The following ARHGEF38 variants were observed in gnomAD, a reference collection of about 807,000 sequenced individuals.
The protein encoded by ARHGEF38 is Rho guanine nucleotide exchange factor (GEF) 38.
A neutral mutation model predicts 79.9 loss-of-function variants in ARHGEF38; 79 were observed. That is an observed-to-expected ratio of 0.99 (90% CI 0.82 to 1.19). The LOEUF (loss-of-function observed/expected upper bound fraction) is 1.19. ARHGEF38 is among the 50% of genes most tolerant of loss of function. The probability of loss-of-function intolerance (pLI) is 0.00; values close to 1 mark genes in which losing one functional copy is unlikely to be tolerated. For synonymous variants in ARHGEF38, 366 were observed against 328.3 expected (o/e 1.11, Z -1.24); for missense variants, 962 against 907.2 (o/e 1.06, Z -0.78).
rs1312882852 is a variant in ARHGEF38, at chr4:105,568,450, G to A, written c.196+15489G>A. On this transcript the variant is annotated intron_variant, in intron 1 of 13. Coordinates refer to ENST00000420470, the MANE Select transcript of ARHGEF38 (RefSeq NM_001242729.2). ...AGTGTGGCGATTCCTCAGGGATCTA[G>A]AACTAGAAATACCATTTGACCCAGC... Among the ~76,000 whole-genome samples, 3 of 151,858 alleles carry A rather than the reference G, an allele frequency of 2.0e-5. No homozygotes were observed. In the East Asian group the frequency reaches 5.8e-4, roughly 29 times the overall value.
intron 1 of ARHGEF38, among the ~76,000 whole-genome samples, chr4:105,578,951 T>A (rs1487497366): frequency 6.6e-6 from 1 of 152,196 alleles, no homozygotes; most frequent in Non-Finnish European, 1.5e-5. Context: ...CATTGTTACC[T>A]AGATACTTTC....
At chr4:105,612,201 C>T (rs1016522801) in intron 2 of ARHGEF38, among the ~76,000 whole-genome samples, 2 of 152,046 alleles carry the variant, frequency 1.3e-5, no homozygotes, top group Admixed American at 6.6e-5. Flanking sequence ...CCCACACACA[C>T]CTGAAGAAAC....
chr4:105,636,128 C>T (rs897553979), intron 4 of ARHGEF38, among the ~76,000 whole-genome samples: 3 of 151,902 alleles, frequency 2.0e-5, no homozygotes, highest in African/African-American at 7.2e-5. Context: ...TATTGTACTC[C>T]AAATGGTTGG....
chr4:105,643,137 T>C (rs1054452820), intron 5 of ARHGEF38, among the ~76,000 whole-genome samples: 3 of 151,168 alleles, frequency 2.0e-5, no homozygotes, highest in Admixed American at 6.6e-5. Flanking sequence ...TTGTTAGTTT[T>C]TTTTTTTCAG....
intron 3 of ARHGEF38, among the ~76,000 whole-genome samples, chr4:105,624,671 A>G (rs1168153235): frequency 6.6e-6 from 1 of 152,164 alleles, no homozygotes; most frequent in Non-Finnish European, 1.5e-5. Flanking sequence ...CCCTTGGAGA[A>G]CAGAATGAGG....
chr4:105,586,940 A>G (rs1004140649), intron 1 of ARHGEF38, among the ~76,000 whole-genome samples: 1 of 149,046 alleles, frequency 6.7e-6, no homozygotes, highest in African/African-American at 2.5e-5. Context: ...TATGTATAAT[A>G]CATCAAAATA....
Position 105,679,918 on chromosome 4 carries a change from A to G in ARHGEF38, c.*1981A>G, listed in dbSNP as rs764555723. ...CCACATTGGTTGCCACCAAAACTTT[A>G]TAATTACCTCTCTGAAGCCTTTTAG... On this transcript the variant is annotated 3_prime_UTR_variant, in exon 14 of 14. Coordinates refer to ENST00000420470, the MANE Select transcript of ARHGEF38 (RefSeq NM_001242729.2). 1.5e-5 allele frequency: 21 copies of G among 1,402,900 alleles called. No individual in the cohort carries two copies. The highest frequency in any genetic ancestry group is 3.4e-5 in the Admixed American group (2 of 59,114). 86.9% of individuals were successfully genotyped at this position (1,402,900 alleles called of 1,614,324 possible). A position where few individuals can be genotyped will look rare whatever the true frequency, so the allele number is the denominator to read the frequency against.
In ARHGEF38 at chr4:105,648,667, C is replaced by G; in HGVS notation, c.993C>G (p.Thr331=). 6.6e-7 allele frequency: 1 copy of G among 1,522,768 alleles called. No homozygotes were observed. Among genetic ancestry groups the G allele is most frequent in the Non-Finnish European group, 8.8e-7 (1 of 1,142,364 alleles). 94.3% of individuals were successfully genotyped at this position (1,522,768 alleles called of 1,614,324 possible). A position where few individuals can be genotyped will look rare whatever the true frequency, so the allele number is the denominator to read the frequency against. ...KRVTNHLKIL[T]RGESQVKDNT... ...TGACAAATCATCTGAAGATTCTGAC[C>G]AGAGGAGAATCACAGGTAATTTTTC... is the stretch of plus-strand genomic sequence containing the variant. The change falls in exon 7 of 14, where the codon ACC becomes ACG. Residue 331 remains threonine (T), a synonymous_variant. Transcript: ENST00000420470.
chr4:105,589,453 A>G lies in ARHGEF38; in HGVS notation c.384+18A>G. On this transcript the variant is annotated intron_variant, in intron 2 of 13. Transcript: ENST00000420470. ...ATAAAAAGGTAAATATATATTTGAG[A>G]TTTTTTTTTCTCTCCCATATCATAA... 1 of 1,584,228 alleles carries G rather than the reference A, an allele frequency of 6.3e-7. No homozygotes were observed. Among genetic ancestry groups the G allele is most frequent in the Non-Finnish European group, 8.6e-7 (1 of 1,167,468 alleles).
At chr4:105,670,392 T>C (rs1447329674) in intron 13 of ARHGEF38, among the ~76,000 whole-genome samples, 1 of 152,186 alleles carries the variant, frequency 6.6e-6, no homozygotes, top group Non-Finnish European at 1.5e-5. Flanking sequence ...TGATTAATGC[T>C]ATTGAACATT....
At chr4:105,590,196 A>G (rs1050141410) in intron 2 of ARHGEF38, among the ~76,000 whole-genome samples, 5 of 152,110 alleles carry the variant, frequency 3.3e-5, no homozygotes, top group Non-Finnish European at 5.9e-5. Context: ...TGGTCATTCT[A>G]TTTCAAATAG....
intron 2 of ARHGEF38, among the ~76,000 whole-genome samples, chr4:105,604,812 C>G (rs115941934): frequency 6.6e-6 from 1 of 152,048 alleles, no homozygotes; most frequent in Admixed American, 6.6e-5. Context: ...AAATGTTTAC[C>G]CCATTCATCA....
intron 10 of ARHGEF38, among the ~76,000 whole-genome samples, chr4:105,663,881 G>A (rs940012231): frequency 1.3e-5 from 2 of 151,412 alleles, no homozygotes; most frequent in Admixed American, 6.6e-5. Context: ...GAGGCTGGAG[G>A]ATCACCTGAA....
intron 1 of ARHGEF38, among the ~76,000 whole-genome samples, chr4:105,567,973 C>T (rs955349097): frequency 6.9e-6 from 1 of 144,718 alleles, no homozygotes; most frequent in Non-Finnish European, 1.5e-5. Flanking sequence ...TGATGTTCCC[C>T]TTCCTGTGTC....
At chr4:105,676,017 T>C (rs1731105378) in intron 13 of ARHGEF38, among the ~76,000 whole-genome samples, 1 of 152,206 alleles carries the variant, frequency 6.6e-6, no homozygotes, top group Non-Finnish European at 1.5e-5. Flanking sequence ...GGGGAGCAGC[T>C]CATATTAGTT....
chr4:105,627,288 T>G (rs1476942887), intron 3 of ARHGEF38, among the ~76,000 whole-genome samples: 1 of 152,148 alleles, frequency 6.6e-6, no homozygotes, highest in African/African-American at 2.4e-5. Context: ...ATCACTGACT[T>G]TACCCTTGTT....
At chr4:105,627,195 G>A (rs1728982849) in intron 3 of ARHGEF38, among the ~76,000 whole-genome samples, 1 of 152,088 alleles carries the variant, frequency 6.6e-6, no homozygotes, top group African/African-American at 2.4e-5. Context: ...TTTTCAAAAA[G>A]GGATGAACTA....
chr4:105,575,688 AT>A (rs1467103110), intron 1 of ARHGEF38, among the ~76,000 whole-genome samples: 55 of 151,462 alleles, frequency 3.6e-4, no homozygotes, highest in Non-Finnish European at 3.5e-4. Context: ...CTTTTTTTCC[AT>A]TTGCTTTTAG....
chr4:105,631,606 G>A (rs1729197093), intron 4 of ARHGEF38: 1 of 985,210 alleles, frequency 1.0e-6, no homozygotes, highest in Non-Finnish European at 1.2e-6. Context: ...CTTTTCTAGA[G>A]GAAGTATCTA....
Sources: allele counts gnomAD v4.1 joint callset (sites outside exome capture counted in the v4.1 genomes callset), GRCh38; gene constraint gnomAD v4.1.1; transcripts MANE v1.5; gene names NCBI Gene and HGNC (gene_info 2026-07-23, HGNC 2026-07-21).